NUP93: variants seen among roughly 807,000 people sequenced by gnomAD.
The protein encoded by NUP93 is nuclear pore complex protein Nup93.
A neutral mutation model predicts 107.8 loss-of-function variants in NUP93; 55 were observed. The observed-to-expected ratio is 0.51, with a 90% confidence interval of 0.41 to 0.64. The LOEUF (loss-of-function observed/expected upper bound fraction) is 0.64, where lower values mean the gene tolerates loss of function less well. Ranked by LOEUF, NUP93 falls within the 30% of genes least tolerant of loss-of-function variation. The pLI is 0.00. For missense variants in NUP93, 937 were observed against 1,044.7 expected, an observed-to-expected ratio of 0.90 and a Z score of 1.42; for synonymous variants, 390 against 397.5, an observed-to-expected ratio of 0.98 and a Z score of 0.22.
chr16:56,788,043 G>C (rs897158571), intron 3 of NUP93, among the ~76,000 whole-genome samples: 12 of 152,084 alleles, frequency 7.9e-5, no homozygotes, highest in African/African-American at 2.9e-4. Context: ...CTTTTCTTGC[G>C]TCTCCAAAGT....
intron 1 of NUP93, among the ~76,000 whole-genome samples, chr16:56,738,802 A>G (rs1369954950): frequency 6.6e-6 from 1 of 152,146 alleles, no homozygotes; most frequent in Non-Finnish European, 1.5e-5. Flanking sequence ...CCTTGGGTGG[A>G]GGTTTTTCTC....
At chr16:56,733,088 G>A (rs1961559467) in intron 1 of NUP93, among the ~76,000 whole-genome samples, 1 of 152,136 alleles carries the variant, frequency 6.6e-6, no homozygotes, top group South Asian at 2.1e-4. Context: ...TAGAGAGTGT[G>A]TACTTAGCAT....
chr16:56,796,590 A>G (rs970261435), intron 3 of NUP93, among the ~76,000 whole-genome samples: 47 of 152,268 alleles, frequency 3.1e-4, no homozygotes, highest in African/African-American at 1.1e-3. Flanking sequence ...TACGTTTCCA[A>G]TGCAAGAAAA....
At chr16:56,777,979 A>G (rs1430512335) in intron 3 of NUP93, among the ~76,000 whole-genome samples, 1 of 152,230 alleles carries the variant, frequency 6.6e-6, no homozygotes, top group Non-Finnish European at 1.5e-5. Flanking sequence ...TAAGGACAGC[A>G]CTATGGAGAT....
Position 56,845,056 on chromosome 16 carries a change from GAAGATGT to G in NUP93, c.*453_*459del, listed in dbSNP as rs1249873416. 4.4e-6 allele frequency: 1 copy of G among 228,670 alleles called. No individual in the cohort carries two copies. Among genetic ancestry groups the G allele is most frequent in the African/African-American group, 2.2e-5 (1 of 44,916 alleles). The allele number at this position is 228,670 out of a possible 1,614,324, so 14.2% of individuals were successfully genotyped here. ...AATGTGAAAGTCAACCTCAGCCTTA[GAAGATGT>G]AAGATTTGTGTGTGAAATATCAAGC... On this transcript the variant is annotated 3_prime_UTR_variant, in exon 22 of 22. Transcript: ENST00000308159.
chr16:56,811,263 C>A (rs145748755), intron 5 of NUP93, among the ~76,000 whole-genome samples: 1,707 of 152,284 alleles, frequency 0.011, 35 homozygotes, highest in African/African-American at 0.039. Context: ...CATATCCTTG[C>A]CACACTTGAT....
chr16:56,831,771 G>T, intron 10 of NUP93, 71 bp from the exon 11 acceptor site: 1 of 1,504,326 alleles, frequency 6.6e-7, no homozygotes, highest in East Asian at 2.3e-5. Context: ...TTGGGACCTG[G>T]GACGCTTTCA....
intron 2 of NUP93, among the ~76,000 whole-genome samples, chr16:56,755,976 G>A (rs1298973049): frequency 2.6e-5 from 4 of 152,176 alleles, no homozygotes; most frequent in African/African-American, 9.7e-5. Context: ...TTGGGAGGCT[G>A]AGACAGGAGG....
In NUP93 at chr16:56,833,568, T is replaced by C. The variant is rs541547087; in HGVS notation, c.1537+162T>C. Reference sequence around the variant, plus strand: ...TTTTTAGATGATTAGTGTTAAGGGTTCCTGCTTCCCCCCCACCCCCCAGCA... The same window carrying C: ...TTTTTAGATGATTAGTGTTAAGGGTCCCTGCTTCCCCCCCACCCCCCAGCA... On this transcript the variant is annotated intron_variant, in intron 13 of 21. Coordinates refer to ENST00000308159, the MANE Select transcript of NUP93 (RefSeq NM_014669.5). Among the ~76,000 whole-genome samples the C allele has an allele frequency of 1.6e-4, 25 of 152,286 alleles. No homozygotes were observed. The South Asian group carries it at 4.6e-3, about 28-fold the overall frequency.
At chr16:56,749,407 C>G (rs529225204) in intron 2 of NUP93, among the ~76,000 whole-genome samples, 8 of 152,264 alleles carry the variant, frequency 5.3e-5, no homozygotes, top group African/African-American at 1.7e-4. Flanking sequence ...AGGATTCAAA[C>G]CTAGTGAGGT....
At chr16:56,815,189 C>T (rs1052858863) in intron 5 of NUP93, among the ~76,000 whole-genome samples, 16 of 152,068 alleles carry the variant, frequency 1.1e-4, no homozygotes, top group Admixed American at 2.6e-4. Context: ...GCTACAACAA[C>T]TGTGTCCTTG....
Position 56,732,782 on chromosome 16 carries a change from G to T in NUP93, c.-15+2571G>T, listed in dbSNP as rs527760205. ...GAGTTAGAGGGAAGATCTTTCACTGGTGTGTTCAGGGAACAGGTCACTTTA... is the reference window on the plus strand; with the variant it reads ...GAGTTAGAGGGAAGATCTTTCACTGTTGTGTTCAGGGAACAGGTCACTTTA... On this transcript the variant is annotated intron_variant, in intron 1 of 21. Transcript: ENST00000308159. Among the ~76,000 whole-genome samples the T allele has an allele frequency of 2.2e-4, 34 of 152,324 alleles. No individual in the cohort carries two copies. The South Asian group carries it at 3.5e-3, about 16-fold the overall frequency.
At chr16:56,752,623 TG>T (rs1265404354) in intron 2 of NUP93, among the ~76,000 whole-genome samples, 1 of 152,176 alleles carries the variant, frequency 6.6e-6, no homozygotes, top group African/African-American at 2.4e-5. Flanking sequence ...AAATCCCAGC[TG>T]GGATTTTTTG....
chr16:56,810,457 C>A (rs143381648), intron 5 of NUP93, among the ~76,000 whole-genome samples: 3 of 151,726 alleles, frequency 2.0e-5, no homozygotes, highest in Admixed American at 6.6e-5. Context: ...AGTAGGACCC[C>A]GTCTCTACAA....
intron 3 of NUP93, among the ~76,000 whole-genome samples, chr16:56,779,977 C>G (rs1382554174): frequency 2.0e-5 from 3 of 152,162 alleles, no homozygotes; most frequent in Admixed American, 1.3e-4. Context: ...GCTATATATC[C>G]ACCATGCTCC....
rs78397678 is a variant in NUP93, at chr16:56,821,778, C to T, written c.654+185C>T. 1.1e-3 allele frequency among the ~76,000 whole-genome samples: 173 copies of T among 151,968 alleles called. 2 individuals are homozygous for T. The highest frequency in any genetic ancestry group is 4.1e-3 in the African/African-American group (170 of 41,456). ...TCTTGATGATGAATTTTTAAAAATGCATCTTCAAAAGGCCCTGCCAGTATC... is the reference window on the plus strand; with the variant it reads ...TCTTGATGATGAATTTTTAAAAATGTATCTTCAAAAGGCCCTGCCAGTATC... On this transcript the variant is annotated intron_variant, in intron 7 of 21. Coordinates refer to ENST00000308159, the MANE Select transcript of NUP93 (RefSeq NM_014669.5).
intron 3 of NUP93, among the ~76,000 whole-genome samples, chr16:56,775,234 A>G (rs1458033997): frequency 6.6e-6 from 1 of 152,150 alleles, no homozygotes; most frequent in Non-Finnish European, 1.5e-5. Context: ...AGGTAGCTTC[A>G]TAGGAACACT....
intron 1 of NUP93, among the ~76,000 whole-genome samples, chr16:56,744,640 C>A (rs1346551389): frequency 6.6e-6 from 1 of 152,132 alleles, no homozygotes; most frequent in Non-Finnish European, 1.5e-5. Flanking sequence ...TTTACTTCTA[C>A]CCTGAAGTTA....
chr16:56,811,923 A>C (rs1963324108), intron 5 of NUP93, among the ~76,000 whole-genome samples: 1 of 152,218 alleles, frequency 6.6e-6, no homozygotes, highest in South Asian at 2.1e-4. Context: ...TTTTTACTTC[A>C]ATCATTTTAA....
Sources: allele counts gnomAD v4.1 joint callset (sites outside exome capture counted in the v4.1 genomes callset), GRCh38; gene constraint gnomAD v4.1.1; transcripts MANE v1.5; gene names NCBI Gene and HGNC (gene_info 2026-07-23, HGNC 2026-07-21).